KIZ: variants seen among roughly 807,000 people sequenced by gnomAD.
KIZ encodes kizuna centrosomal protein, also known as centrosomal protein kizuna.
In KIZ, 68 loss-of-function variants were observed where a neutral mutation model predicts 79.6. That is an observed-to-expected ratio of 0.85 (90% CI 0.70 to 1.05). The LOEUF (loss-of-function observed/expected upper bound fraction) is 1.05, where lower values mean the gene tolerates loss of function less well. KIZ is among the 50% of genes least tolerant of loss of function. KIZ has a pLI of 0.00. For missense variants in KIZ, 797 were observed against 800.4 expected (o/e 1.00, Z 0.05); for synonymous variants, 280 against 281.8 (o/e 0.99, Z 0.06).
chr20:21,154,385 C>A (rs1568925878), intron 4 of KIZ, among the ~76,000 whole-genome samples: 1 of 152,132 alleles, frequency 6.6e-6, no homozygotes, highest in East Asian at 1.9e-4. Context: ...CTTCTTTCCC[C>A]CAGTAAAGAT....
chr20:21,187,535 G>T (rs951814070), intron 6 of KIZ, among the ~76,000 whole-genome samples: 1 of 152,126 alleles, frequency 6.6e-6, no homozygotes, highest in Non-Finnish European at 1.5e-5. Flanking sequence ...CCTATCCACC[G>T]TGCCATCATG....
At chr20:21,140,641 A>G (rs2032464097) in intron 3 of KIZ, among the ~76,000 whole-genome samples, 1 of 152,132 alleles carries the variant, frequency 6.6e-6, no homozygotes, top group East Asian at 1.9e-4. Context: ...CTATGCTGCT[A>G]CTTGTCAGTT....
chr20:21,167,368 A>G (rs1264005450), intron 6 of KIZ, among the ~76,000 whole-genome samples: 3 of 152,128 alleles, frequency 2.0e-5, no homozygotes, highest in Admixed American at 1.3e-4. Context: ...TAGCTGAGTG[A>G]GTGATTCAGC....
At chr20:21,175,354 A>G (rs1252648090) in intron 6 of KIZ, among the ~76,000 whole-genome samples, 1 of 152,224 alleles carries the variant, frequency 6.6e-6, no homozygotes, top group East Asian at 1.9e-4. Flanking sequence ...GATCCTCAGC[A>G]AAGTAGGCAA....
At chr20:21,180,230 C>G (rs1321633068) in intron 6 of KIZ, among the ~76,000 whole-genome samples, 2 of 143,170 alleles carry the variant, frequency 1.4e-5, no homozygotes, top group Non-Finnish European at 3.0e-5. Context: ...TTGGTTTGCT[C>G]TTTGCTCCTT....
intron 9 of KIZ, among the ~76,000 whole-genome samples, chr20:21,220,477 T>A (rs2036467251): frequency 6.6e-6 from 1 of 152,144 alleles, no homozygotes; most frequent in East Asian, 1.9e-4. Flanking sequence ...TATTTTGTTT[T>A]TTTATTATTT....
chr20:21,229,095 C>A lies in KIZ; in HGVS notation c.1763C>A (p.Ala588Asp). 6.2e-7 allele frequency: 1 copy of A among 1,608,506 alleles called. No homozygotes were observed. The highest frequency in any genetic ancestry group is 1.1e-5 in the South Asian group (1 of 90,330). ...GAAAACAGGTTTCAAAAGACAGATGCTTCTGTGTCACACTTGTCAGGTAAG... is the reference window on the plus strand; with the variant it reads ...GAAAACAGGTTTCAAAAGACAGATGATTCTGTGTCACACTTGTCAGGTAAG... The part of the protein sequence containing the change: ...QTENRFQKTD[A>D]SVSHLSGLNI... The change falls in exon 10 of 13, where the codon GCT (alanine) becomes GAT (aspartate). Residue 588 changes from alanine (A) to aspartate (D), a missense_variant. Ala to Asp is a moderately radical substitution (Grantham distance 126). Transcript: ENST00000619189.
At chr20:21,237,138 TTA>T (rs2037040028) in intron 11 of KIZ, among the ~76,000 whole-genome samples, 2 of 150,974 alleles carry the variant, frequency 1.3e-5, no homozygotes, top group African/African-American at 4.9e-5. Flanking sequence ...CCTATCTCTA[TTA>T]AAAGTACAAA....
chr20:21,231,290 C>T (rs1045119901), intron 10 of KIZ, among the ~76,000 whole-genome samples: 2 of 152,138 alleles, frequency 1.3e-5, no homozygotes, highest in African/African-American at 4.8e-5. Flanking sequence ...CACCACTGCA[C>T]TCCAGCCTGG....
Position 21,153,457 on chromosome 20 carries a change from G to T in KIZ, c.405+7803G>T, listed in dbSNP as rs570950809. Among the ~76,000 whole-genome samples the T allele has an allele frequency of 2.0e-5, 3 of 152,192 alleles. No homozygotes were observed. The South Asian group carries it at 6.2e-4, about 32-fold the overall frequency. On this transcript the variant is annotated intron_variant, in intron 4 of 12. Coordinates refer to ENST00000619189, the MANE Select transcript of KIZ (RefSeq NM_018474.6). The stretch of plus-strand genomic sequence containing the variant: ...ATTTAACAGATATATCTTAAATTTA[G>T]ATAGTTCCAATAACTGTTGAATTTC...
At chr20:21,244,550 A>G in intron 12 of KIZ, 3 of 495,620 alleles carry the variant, frequency 6.1e-6, no homozygotes, top group Non-Finnish European at 1.1e-5. Flanking sequence ...CCTGGCCTCC[A>G]TGTCTAATTA....
rs1210208299 is a variant in KIZ, at chr20:21,162,127, C to T, written c.662C>T (p.Ser221Phe). The T allele has an allele frequency of 1.2e-6, 2 of 1,612,180 alleles. No individual in the cohort carries two copies. Among genetic ancestry groups the T allele is most frequent in the African/African-American group, 2.7e-5 (2 of 74,860 alleles). The change falls in exon 5 of 13, where the codon TCT (serine) becomes TTT (phenylalanine). Residue 221 changes from serine (S) to phenylalanine (F), a missense_variant. Physicochemically the swap from Ser to Phe is radical, Grantham distance 155. Coordinates refer to ENST00000619189, the MANE Select transcript of KIZ (RefSeq NM_018474.6). ...TSNDTQCLNKSDNIDGKASLQ... is the reference protein window; with the variant it reads ...TSNDTQCLNKFDNIDGKASLQ... ...AATGACACACAGTGCTTAAATAAGT[C>T]TGACAACATAGATGGAAAGGCATCT...
chr20:21,162,737 A>G (rs984936072), intron 5 of KIZ, 113 bp from the exon 6 acceptor site: 13 of 887,466 alleles, frequency 1.5e-5, no homozygotes, highest in Admixed American at 8.6e-5. Context: ...TCCGTAATGA[A>G]TTGTGTGTGG....
intron 4 of KIZ, among the ~76,000 whole-genome samples, chr20:21,149,313 C>T (rs2032998534): frequency 6.6e-6 from 1 of 151,938 alleles, no homozygotes; most frequent in Admixed American, 6.5e-5. Flanking sequence ...GCATTTTTAC[C>T]TAGACTTGAG....
At chr20:21,130,067 C>T (rs1460880522) in intron 1 of KIZ, among the ~76,000 whole-genome samples, 3 of 152,208 alleles carry the variant, frequency 2.0e-5, no homozygotes, top group African/African-American at 7.2e-5. Context: ...AGTCCGCAGA[C>T]TGCATCAGAT....
intron 6 of KIZ, among the ~76,000 whole-genome samples, chr20:21,191,235 C>T (rs1055312659): frequency 2.6e-5 from 4 of 152,130 alleles, no homozygotes; most frequent in East Asian, 3.8e-4. Context: ...GATTATTGCA[C>T]GTGGAGTAAA....
At chr20:21,218,738 T>C (rs1289499190) in intron 9 of KIZ, 1 of 152,240 alleles carries the variant, frequency 6.6e-6, no homozygotes, top group Non-Finnish European at 1.5e-5. Flanking sequence ...GTGAGTCCAA[T>C]GTGGGCACCA....
At chr20:21,146,831 TA>T (rs979711608) in intron 4 of KIZ, among the ~76,000 whole-genome samples, 14 of 148,004 alleles carry the variant, frequency 9.5e-5, no homozygotes, top group African/African-American at 2.5e-4. Flanking sequence ...ATTAAAAAAT[TA>T]AAAAAAAAAC....
At chr20:21,147,129 G>A (rs757150500) in intron 4 of KIZ, among the ~76,000 whole-genome samples, 2 of 152,048 alleles carry the variant, frequency 1.3e-5, no homozygotes, top group African/African-American at 2.4e-5. Flanking sequence ...TCAGGAAAAC[G>A]GAAGCTTTTT....
Sources: allele counts gnomAD v4.1 joint callset (sites outside exome capture counted in the v4.1 genomes callset), GRCh38; gene constraint gnomAD v4.1.1; transcripts MANE v1.5; gene names NCBI Gene and HGNC (gene_info 2026-07-23, HGNC 2026-07-21).